Variants in RAD51B observed in about 807,000 individuals in gnomAD.
RAD51B encodes the protein DNA repair protein RAD51 homolog 2.
A neutral mutation model predicts 42.2 loss-of-function variants in RAD51B; 38 were observed. The ratio of observed to expected loss-of-function variants is 0.90; its 90% CI spans 0.70 to 1.18. RAD51B has a LOEUF of 1.18. RAD51B is among the 50% of genes most tolerant of loss of function. The pLI is 0.00. For synonymous variants in RAD51B, 154 were observed against 145.2 expected, an observed-to-expected ratio of 1.06 and a Z score of -0.43; for missense variants, 373 against 400.7, an observed-to-expected ratio of 0.93 and a Z score of 0.59.
At chr14:67,906,417 T>G (rs1043517325) in intron 7 of RAD51B, among the ~76,000 whole-genome samples, 2 of 152,108 alleles carry the variant, frequency 1.3e-5, no homozygotes, top group African/African-American at 2.4e-5. Context: ...TACAGTGAGT[T>G]AGGAGGGAGT....
chr14:68,435,293 C>G (rs956421075), intron 9 of RAD51B, among the ~76,000 whole-genome samples: 7 of 152,126 alleles, frequency 4.6e-5, no homozygotes, highest in Non-Finnish European at 1.0e-4. Flanking sequence ...GTTTTCTGGT[C>G]CTATGTTAAT....
At chr14:68,508,327 C>T (rs1225835667) in intron 10 of RAD51B, among the ~76,000 whole-genome samples, 1 of 152,150 alleles carries the variant, frequency 6.6e-6, no homozygotes, top group Non-Finnish European at 1.5e-5. Context: ...TCAGTGAATT[C>T]TGAAACTGCT....
chr14:67,977,478 T>C (rs191331766), intron 7 of RAD51B, among the ~76,000 whole-genome samples: 1 of 152,342 alleles, frequency 6.6e-6, no homozygotes, highest in African/African-American at 2.4e-5. Context: ...AAAGCAAAAC[T>C]TTCAGTGTTG....
In RAD51B at chr14:68,067,851, G is replaced by A. The variant is rs142498554; in HGVS notation, c.756+180647G>A. ...GGAGGCTGAGGCAGGAGAATCCCTC[G>A]AACCCAGGAGGCAGAGGTTGCGGTG... On this transcript the variant is annotated intron_variant, in intron 7 of 10. Coordinates refer to ENST00000471583, the MANE Select transcript of RAD51B (RefSeq NM_133510.4). Among the ~76,000 whole-genome samples the A allele has an allele frequency of 1.7e-3, 232 of 139,058 alleles. 1 individual carries two copies. Among genetic ancestry groups the A allele is most frequent in the African/African-American group, 5.6e-3 (205 of 36,594 alleles). The allele number at this position is 139,058 out of a possible 152,430, so 91.2% of individuals were successfully genotyped here.
At chr14:68,236,668 T>C (rs2080264530) in intron 7 of RAD51B, 1 of 152,242 alleles carries the variant, frequency 6.6e-6, no homozygotes, top group Non-Finnish European at 1.5e-5. Flanking sequence ...CTTCTACATA[T>C]GACTAACAGA....
intron 8 of RAD51B, among the ~76,000 whole-genome samples, chr14:68,400,560 G>C (rs1315148029): frequency 6.6e-6 from 1 of 152,208 alleles, no homozygotes; most frequent in African/African-American, 2.4e-5. Context: ...GTATCCGCCT[G>C]CTGCCTCTGA....
intron 8 of RAD51B, among the ~76,000 whole-genome samples, chr14:68,322,113 G>GAACACTTAGAA (rs2082167819): frequency 6.6e-6 from 1 of 152,190 alleles, no homozygotes; most frequent in Non-Finnish European, 1.5e-5. Context: ...ACAGTGCTTA[G>GAACACTTAGAA]CATGTAGTAA....
intron 9 of RAD51B, among the ~76,000 whole-genome samples, chr14:68,423,868 A>G (rs1399623928): frequency 6.6e-6 from 1 of 152,216 alleles, no homozygotes; most frequent in Non-Finnish European, 1.5e-5. Flanking sequence ...TGGCAACAGA[A>G]CACTTTTGAG....
intron 10 of RAD51B, among the ~76,000 whole-genome samples, chr14:68,577,417 C>T (rs1349080491): frequency 6.6e-6 from 1 of 152,044 alleles, no homozygotes; most frequent in Non-Finnish European, 1.5e-5. Context: ...CCAAGAACAA[C>T]CCTCTCTCCC....
intron 7 of RAD51B, among the ~76,000 whole-genome samples, chr14:67,911,385 A>C (rs750229182): frequency 2.6e-5 from 4 of 152,190 alleles, no homozygotes; most frequent in Admixed American, 6.5e-5. Flanking sequence ...TATGCACACA[A>C]AAGCTGGAGA....
chr14:68,434,982 G>A (rs891495984), intron 9 of RAD51B, among the ~76,000 whole-genome samples: 1 of 152,142 alleles, frequency 6.6e-6, no homozygotes, highest in Non-Finnish European at 1.5e-5. Context: ...ATGAACATGG[G>A]TGTGCTGATA....
intron 7 of RAD51B, among the ~76,000 whole-genome samples, chr14:68,090,336 A>T (rs1295367420): frequency 6.6e-6 from 1 of 152,122 alleles, no homozygotes; most frequent in Non-Finnish European, 1.5e-5. Flanking sequence ...AGAAAATCCA[A>T]CTCTCTTATC....
intron 11 of RAD51B, among the ~76,000 whole-genome samples, chr14:68,652,249 C>T (rs17106102): frequency 0.86 from 130,205 of 152,250 alleles, 55,804 homozygotes; most frequent in East Asian, 0.95. Flanking sequence ...GCCGAGGCCA[C>T]GCAGCCCCGA....
chr14:68,633,328 T>C (rs1892274686), intron 10 of RAD51B, among the ~76,000 whole-genome samples: 1 of 152,134 alleles, frequency 6.6e-6, no homozygotes, highest in Admixed American at 6.5e-5. Flanking sequence ...GGGGATGACT[T>C]GGCAGAGCTA....
At chr14:68,264,339 T>A (rs569996580) in intron 7 of RAD51B, among the ~76,000 whole-genome samples, 1 of 152,208 alleles carries the variant, frequency 6.6e-6, no homozygotes, top group Non-Finnish European at 1.5e-5. Flanking sequence ...ATGACTGGGG[T>A]TAGGGATGAC....
chr14:68,659,909 C>CG (rs896456123), intron 11 of RAD51B, among the ~76,000 whole-genome samples: 4 of 152,192 alleles, frequency 2.6e-5, no homozygotes, highest in African/African-American at 7.2e-5. Context: ...AGGGTGCATG[C>CG]GGGGGAAAGA....
chr14:68,251,960 C>G (rs140018900), intron 7 of RAD51B, among the ~76,000 whole-genome samples: 251 of 152,288 alleles, frequency 1.6e-3, no homozygotes, highest in African/African-American at 5.7e-3. Flanking sequence ...TTTGGGGAAG[C>G]CTTCATAATT....
chr14:68,442,613 G>A (rs946462169), intron 9 of RAD51B, among the ~76,000 whole-genome samples: 12 of 151,388 alleles, frequency 7.9e-5, no homozygotes, highest in African/African-American at 2.9e-4. Flanking sequence ...GCTAATTTTT[G>A]TATTTTTAGT....
intron 7 of RAD51B, among the ~76,000 whole-genome samples, chr14:68,287,445 GAT>G (rs2081434545): frequency 1.3e-5 from 2 of 152,154 alleles, no homozygotes; most frequent in Non-Finnish European, 2.9e-5. Context: ...CTAATAGGTG[GAT>G]GGTATTCTTC....
Sources: gnomAD v4.1 joint callset for allele counts (sites outside exome capture counted in the v4.1 genomes callset) on GRCh38, gnomAD v4.1.1 for gene constraint, MANE v1.5 for transcripts, NCBI Gene and HGNC (gene_info 2026-07-23, HGNC 2026-07-21) for gene names.